ANO1: variants seen among roughly 807,000 people sequenced by gnomAD.
ANO1 encodes anoctamin-1.
In ANO1, 59 loss-of-function variants were observed where a neutral mutation model predicts 124.0. The observed-to-expected ratio is 0.48, with a 90% CI of 0.39 to 0.59. The LOEUF is 0.59. Ranked by LOEUF, ANO1 falls within the 20% of genes least tolerant of loss-of-function variation. The pLI is 0.00. For synonymous variants in ANO1, 529 were observed against 532.0 expected, an observed-to-expected ratio of 0.99 and a Z score of 0.08; for missense variants, 1,059 against 1,328.0, an observed-to-expected ratio of 0.80 and a Z score of 3.15.
intron 1 of ANO1, among the ~76,000 whole-genome samples, chr11:70,017,892 G>T (rs114463211): frequency 2.6e-5 from 4 of 152,064 alleles, no homozygotes; most frequent in Non-Finnish European, 5.9e-5. Flanking sequence ...TCATGGGCAG[G>T]TTCTAGCTAC....
intron 22 of ANO1, among the ~76,000 whole-genome samples, chr11:70,175,964 G>A (rs1056444244): frequency 1.3e-5 from 2 of 152,160 alleles, no homozygotes; most frequent in Non-Finnish European, 2.9e-5. Context: ...TGAGCCATGA[G>A]TGACCATGGC....
chr11:70,151,309 G>A (rs1032410047), intron 12 of ANO1, among the ~76,000 whole-genome samples: 1 of 152,180 alleles, frequency 6.6e-6, no homozygotes, highest in African/African-American at 2.4e-5. Context: ...TCATTATCCT[G>A]TCCACAAATG....
At chr11:69,967,462 C>T in the ANO1 span, among the ~76,000 whole-genome samples, 6 of 152,376 alleles carry the variant, frequency 3.9e-5, no homozygotes, top group South Asian at 2.1e-4. Context: ...GCCAGGCCCC[C>T]GCATTCCATC....
At position 70,188,165 on chromosome 11, in the gene ANO1, T is replaced by G; in HGVS notation, c.*161T>G. ...ATAGGACATTTTCCTTTCTTCTTTC[T>G]GTTTTCTTTCCCTTGTTTTTGCACA... On this transcript the variant is annotated 3_prime_UTR_variant, in exon 26 of 26. Transcript: ENST00000355303. 1 of 863,052 alleles carries G rather than the reference T, an allele frequency of 1.2e-6. No individual in the cohort carries two copies. Among genetic ancestry groups the G allele is most frequent in the Middle Eastern group, 3.6e-4 (1 of 2,808 alleles). 53.5% of individuals were successfully genotyped at this position (863,052 alleles called of 1,614,324 possible). A position where few individuals can be genotyped will look rare whatever the true frequency, so the allele number is the denominator to read the frequency against.
At chr11:70,161,043 G>A (rs773615671) in intron 16 of ANO1, 118 bp from the exon 17 acceptor site, 15 of 986,708 alleles carry the variant, frequency 1.5e-5, no homozygotes, top group Non-Finnish European at 2.2e-5. Flanking sequence ...GTCAGTGCTT[G>A]TTTTGAAGCA....
upstream of ANO1, among the ~76,000 whole-genome samples, chr11:70,077,551 G>C (rs1474155156): frequency 6.6e-6 from 1 of 152,144 alleles, no homozygotes; most frequent in Non-Finnish European, 1.5e-5. Context: ...CTAGGTCCGG[G>C]GGTAAGAGAG....
At chr11:70,081,438 T>C (rs1217359658) in intron 1 of ANO1, among the ~76,000 whole-genome samples, 1 of 152,208 alleles carries the variant, frequency 6.6e-6, no homozygotes, top group East Asian at 1.9e-4. Flanking sequence ...TAATCGTACA[T>C]TGATATGTAG....
intron 1 of ANO1, among the ~76,000 whole-genome samples, chr11:69,998,653 A>T (rs1856321114): frequency 6.6e-6 from 1 of 152,216 alleles, no homozygotes; most frequent in Non-Finnish European, 1.5e-5. Context: ...TCCCATTGCC[A>T]AAAAGAAATA....
intron 1 of ANO1, chr11:70,056,591 A>G (rs1039561800): frequency 1.3e-5 from 2 of 152,152 alleles, no homozygotes; most frequent in Non-Finnish European, 2.9e-5. Flanking sequence ...TTGAAAAGGA[A>G]AAAATAAAAC....
rs748525885 is a variant in ANO1 at position 70,182,616 on chromosome 11, G to A, written c.2518G>A (p.Val840Ile). The A allele has an allele frequency of 8.1e-6, 13 of 1,613,494 alleles. No homozygotes were observed. Among genetic ancestry groups the A allele is most frequent in the African/African-American group, 4.0e-5 (3 of 74,886 alleles). ...FVNHTLSSFN[V>I]SDFQNGTAPN... ...CAACCACACCCTCTCCTCCTTCAAC[G>A]TCAGTGACTTCCAGAACGGCACGGC... The change falls in exon 24 of 26, where the codon GTC (valine) becomes ATC (isoleucine). Residue 840 changes from valine to isoleucine, a missense_variant. Around this residue, in one of 2 missense-constraint regions of ANO1, gnomAD observed 809 missense variants for 1,094.9 expected, o/e 0.74. Coordinates refer to ENST00000355303, the MANE Select transcript of ANO1 (RefSeq NM_018043.7).
intron 2 of ANO1, among the ~76,000 whole-genome samples, chr11:70,101,271 C>T (rs2135341711): frequency 6.6e-6 from 1 of 152,138 alleles, no homozygotes; most frequent in Non-Finnish European, 1.5e-5. Flanking sequence ...ACTTGACCCA[C>T]TTCAGATTTT....
intron 21 of ANO1, chr11:70,170,299 C>T (rs2048411577): frequency 2.8e-5 from 10 of 361,954 alleles, no homozygotes; most frequent in South Asian, 1.6e-4. Flanking sequence ...TTCCTTTTGG[C>T]GATGATTTTT....
intron 1 of ANO1, among the ~76,000 whole-genome samples, chr11:69,998,074 GA>G (rs1339994239): frequency 6.6e-6 from 1 of 152,152 alleles, no homozygotes; most frequent in African/African-American, 2.4e-5. Context: ...CCTGGACAGA[GA>G]CCCTCCTGGA....
At chr11:70,017,577 A>T (rs567886458) in intron 1 of ANO1, among the ~76,000 whole-genome samples, 94 of 146,426 alleles carry the variant, frequency 6.4e-4, no homozygotes, top group Middle Eastern at 3.6e-3. Context: ...GTACAGTGGC[A>T]TGGTCATGTC....
intron 1 of ANO1, among the ~76,000 whole-genome samples, chr11:70,062,067 CTTTTTTT>C (rs1175846749): frequency 3.4e-4 from 21 of 62,286 alleles, no homozygotes; most frequent in African/African-American, 7.4e-4. Flanking sequence ...TTCCTTCTTT[CTTTTTTT>C]TTTTTTTTTT....
chr11:69,967,490 G>A, the ANO1 span, among the ~76,000 whole-genome samples: 3 of 152,244 alleles, frequency 2.0e-5, no homozygotes, highest in Admixed American at 2.0e-4. Context: ...TCTTCTTCAT[G>A]AGCTGGGCCA....
At chr11:70,078,259 G>GC (rs1327056285), upstream of ANO1, 1 of 152,958 alleles carries the variant, frequency 6.5e-6, no homozygotes, top group Non-Finnish European at 1.5e-5. Context: ...CGCGGCCACC[G>GC]CCCCTGCCAT....
intron 1 of ANO1, chr11:70,063,859 TCA>T (rs1565172021): frequency 6.6e-6 from 1 of 152,366 alleles, no homozygotes; most frequent in Non-Finnish European, 1.5e-5. Context: ...TTCCTTGTTC[TCA>T]CTTTTCTTTC....
At chr11:69,988,837 C>A (rs1041105401) in intron 1 of ANO1, among the ~76,000 whole-genome samples, 3 of 152,106 alleles carry the variant, frequency 2.0e-5, no homozygotes, top group African/African-American at 7.2e-5. Flanking sequence ...GCTGGTATAT[C>A]CCCTTCTCTT....
Sources: allele counts gnomAD v4.1 joint callset (sites outside exome capture counted in the v4.1 genomes callset), GRCh38; gene constraint gnomAD v4.1.1; regional missense constraint gnomAD v4.1.1; transcripts MANE v1.5; gene names NCBI Gene and HGNC (gene_info 2026-07-23, HGNC 2026-07-21).